The following SLC35F3 variants were observed in gnomAD, a reference collection of about 807,000 sequenced individuals.
SLC35F3 encodes the protein solute carrier family 35 member F3, also known as putative thiamine transporter SLC35F3.
SLC35F3 carries 25 observed loss-of-function variants against 49.9 expected under a neutral mutation model. That is an observed-to-expected ratio of 0.50 (90% CI 0.37 to 0.70). The LOEUF is 0.70. Among genes scored for constraint, SLC35F3 ranks in the 30% least tolerant of loss-of-function variants. The pLI, the probability that SLC35F3 is intolerant of heterozygous loss-of-function variation, is 0.00. For synonymous variants in SLC35F3, 275 were observed against 265.4 expected (o/e 1.04, Z -0.35); for missense variants, 525 against 639.8 (o/e 0.82, Z 1.94).
intron 4 of SLC35F3, among the ~76,000 whole-genome samples, chr1:234,312,480 A>G (rs1413519528): frequency 6.6e-6 from 1 of 152,176 alleles, no homozygotes; most frequent in Non-Finnish European, 1.5e-5. Flanking sequence ...CCATTCCCAA[A>G]CAGTATCTGG....
intron 2 of SLC35F3, among the ~76,000 whole-genome samples, chr1:233,918,368 C>T (rs141133160): frequency 6.6e-6 from 1 of 152,258 alleles, no homozygotes; most frequent in Non-Finnish European, 1.5e-5. Context: ...GCTCTCTTGT[C>T]CCGAGACCTC....
At chr1:234,005,560 A>G (rs370725164) in intron 2 of SLC35F3, among the ~76,000 whole-genome samples, 4 of 152,314 alleles carry the variant, frequency 2.6e-5, no homozygotes, top group African/African-American at 9.6e-5. Flanking sequence ...ACAAATAGAT[A>G]ATATTGATCA....
chr1:233,955,581 C>T (rs1662683582), intron 2 of SLC35F3, among the ~76,000 whole-genome samples: 1 of 152,016 alleles, frequency 6.6e-6, no homozygotes, highest in Non-Finnish European at 1.5e-5. Flanking sequence ...ATATTATTTT[C>T]AGGTCACCCT....
In SLC35F3 at chr1:234,214,817, C is replaced by T. The variant is rs1362682192; in HGVS notation, c.284-16600C>T. The T allele has an allele frequency of 2.8e-5, 13 of 468,318 alleles. No homozygotes were observed. Among genetic ancestry groups the T allele is most frequent in the Non-Finnish European group, 4.1e-5 (11 of 271,214 alleles). The allele number at this position is 468,318 out of a possible 1,614,324, so 29.0% of individuals were successfully genotyped here. A position where few individuals can be genotyped will look rare whatever the true frequency, so the allele number is the denominator to read the frequency against. ...CGAGTGAGCACCCGGCTCCCCAACC[C>T]TCTCCTTCCTGGGCAGCACCCAGCG... On this transcript the variant is annotated intron_variant, in intron 2 of 7. Coordinates refer to ENST00000366618, the MANE Select transcript of SLC35F3 (RefSeq NM_173508.4). This position sits in a 1 kb window ranked among gnomAD's most constrained non-coding sequence, Gnocchi z 8.0.
intron 2 of SLC35F3, among the ~76,000 whole-genome samples, chr1:234,090,624 T>C (rs1665028944): frequency 6.6e-6 from 1 of 152,206 alleles, no homozygotes; most frequent in African/African-American, 2.4e-5. Context: ...TACATGGCTC[T>C]TCTTAAGACC....
chr1:234,038,476 C>A (rs1482158979), intron 2 of SLC35F3, among the ~76,000 whole-genome samples: 9 of 151,796 alleles, frequency 5.9e-5, no homozygotes, highest in Admixed American at 5.9e-4. Context: ...TGGGTATATA[C>A]CCAGTAATGG....
intron 3 of SLC35F3, among the ~76,000 whole-genome samples, chr1:234,292,984 C>T (rs1431457442): frequency 3.9e-5 from 6 of 152,218 alleles, no homozygotes; most frequent in Non-Finnish European, 8.8e-5. Flanking sequence ...AAGAAAACAA[C>T]TGACACCCAG....
intron 4 of SLC35F3, among the ~76,000 whole-genome samples, chr1:234,313,378 G>A (rs1015196044): frequency 2.0e-5 from 3 of 152,120 alleles, no homozygotes; most frequent in Admixed American, 6.5e-5. Context: ...TGGGTGCGTG[G>A]GACTCAGATC....
chr1:233,951,463 T>A (rs1040633683), intron 2 of SLC35F3, among the ~76,000 whole-genome samples: 2 of 151,904 alleles, frequency 1.3e-5, no homozygotes, highest in Non-Finnish European at 2.9e-5. Flanking sequence ...AAAAAAAAAA[T>A]CCATTATACC....
rs934739975 is a variant in SLC35F3, at chr1:233,981,110, C to T, written c.283+75352C>T. Among the ~76,000 whole-genome samples the T allele has an allele frequency of 5.3e-5, 8 of 152,272 alleles. No homozygotes were observed. In the East Asian group the frequency reaches 7.7e-4, roughly 15 times the overall value. ...TGTGTATGCCTCATTCAGTTTTCCCCGCTGGTAGCATTTTACATAACTATA... is the reference window on the plus strand; with the variant it reads ...TGTGTATGCCTCATTCAGTTTTCCCTGCTGGTAGCATTTTACATAACTATA... On this transcript the variant is annotated intron_variant, in intron 2 of 7. Coordinates refer to ENST00000366618, the MANE Select transcript of SLC35F3 (RefSeq NM_173508.4).
intron 2 of SLC35F3, among the ~76,000 whole-genome samples, chr1:234,018,466 T>A (rs894099168): frequency 6.6e-6 from 1 of 152,152 alleles, no homozygotes; most frequent in Non-Finnish European, 1.5e-5. Flanking sequence ...CTTCTATATG[T>A]TCTCCTGCTT....
chr1:234,182,228 T>A (rs1379715236), intron 2 of SLC35F3, among the ~76,000 whole-genome samples: 1 of 152,210 alleles, frequency 6.6e-6, no homozygotes, highest in Non-Finnish European at 1.5e-5. Context: ...TGTCCCTTCA[T>A]TGGCCAGAGC....
chr1:234,059,647 T>TAGACAA (rs1664510681), intron 2 of SLC35F3, among the ~76,000 whole-genome samples: 1 of 151,198 alleles, frequency 6.6e-6, no homozygotes, highest in Admixed American at 6.6e-5. Context: ...GACATAGACA[T>TAGACAA]AGACATAGAC....
chr1:234,141,578 T>C (rs1463987108), intron 2 of SLC35F3, among the ~76,000 whole-genome samples: 2 of 152,202 alleles, frequency 1.3e-5, no homozygotes, highest in African/African-American at 4.8e-5. Flanking sequence ...GAACACTTAG[T>C]CTGATATCTA....
intron 2 of SLC35F3, among the ~76,000 whole-genome samples, chr1:234,188,142 C>T (rs1273184137): frequency 6.6e-6 from 1 of 151,772 alleles, no homozygotes; most frequent in East Asian, 1.9e-4. Context: ...TAGGCTGAGG[C>T]AGGAGAATCG....
intron 2 of SLC35F3, among the ~76,000 whole-genome samples, chr1:234,195,058 A>G (rs533916437): frequency 6.6e-6 from 1 of 152,230 alleles, no homozygotes; most frequent in East Asian, 1.9e-4. Context: ...GCTGTGGCTC[A>G]TCAAGACTGC....
At chr1:233,963,918 T>C (rs1662851415) in intron 2 of SLC35F3, among the ~76,000 whole-genome samples, 1 of 152,196 alleles carries the variant, frequency 6.6e-6, no homozygotes, top group Non-Finnish European at 1.5e-5. Flanking sequence ...TGGGATCAGG[T>C]TGGCTGATGC....
intron 2 of SLC35F3, among the ~76,000 whole-genome samples, chr1:233,923,100 CT>C (rs1292473024): frequency 4.6e-5 from 7 of 152,082 alleles, no homozygotes; most frequent in Middle Eastern, 3.2e-3. Flanking sequence ...CAGGTTTGTT[CT>C]TTTGGCTTAG....
intron 2 of SLC35F3, among the ~76,000 whole-genome samples, chr1:233,981,135 A>G (rs1050283403): frequency 6.6e-6 from 1 of 152,232 alleles, no homozygotes; most frequent in African/African-American, 2.4e-5. Context: ...ACATAACTAT[A>G]GTACAATATC....
Sources: gnomAD v4.1 joint callset for allele counts (sites outside exome capture counted in the v4.1 genomes callset) on GRCh38, gnomAD v4.1.1 for gene constraint, Gnocchi (gnomAD v3.1) non-coding constraint, MANE v1.5 for transcripts, NCBI Gene and HGNC (gene_info 2026-07-23, HGNC 2026-07-21) for gene names.